Variants in TNR observed in about 807,000 individuals in gnomAD.
The protein encoded by TNR is tenascin-R.
TNR carries 45 observed loss-of-function variants against 150.4 expected under a neutral mutation model. The ratio of observed to expected loss-of-function variants is 0.30; its 90% CI spans 0.24 to 0.38. The LOEUF (loss-of-function observed/expected upper bound fraction) is 0.38, where lower values mean the gene tolerates loss of function less well. Among genes scored for constraint, TNR ranks in the 10% least tolerant of loss-of-function variants. The pLI is 1.00. For missense variants in TNR, 1,544 were observed against 1,759.1 expected, an observed-to-expected ratio of 0.88 and a Z score of 2.19; for synonymous variants, 687 against 678.4, an observed-to-expected ratio of 1.01 and a Z score of -0.20.
At chr1:175,455,217 A>T (rs1656515526) in intron 2 of TNR, among the ~76,000 whole-genome samples, 1 of 152,232 alleles carries the variant, frequency 6.6e-6, no homozygotes, top group African/African-American at 2.4e-5. Flanking sequence ...CTACCCAGAG[A>T]CCAGCTAGTT....
At chr1:175,688,362 T>A (rs964576514) in intron 1 of TNR, among the ~76,000 whole-genome samples, 10 of 152,220 alleles carry the variant, frequency 6.6e-5, no homozygotes, top group Non-Finnish European at 1.0e-4. Flanking sequence ...GGCAGTGAGC[T>A]TTCTAAATAA....
intron 2 of TNR, among the ~76,000 whole-genome samples, chr1:175,421,733 G>A (rs1654762473): frequency 6.6e-6 from 1 of 152,150 alleles, no homozygotes; most frequent in South Asian, 2.1e-4. Context: ...CAAAAACGTG[G>A]GACTGGTGGC....
In TNR at chr1:175,643,451, T is replaced by C. The variant is rs1458505874; in HGVS notation, c.-165+99775A>G. Among the ~76,000 whole-genome samples the C allele has an allele frequency of 2.0e-5, 3 of 152,328 alleles. No homozygotes were observed. In the East Asian group the frequency reaches 5.8e-4, roughly 29 times the overall value. ...TTCATATACACAGTGGAGATTTCCA[T>C]GGCCTGTTCATCCACCTCATAGTCA... On this transcript the variant is annotated intron_variant, in intron 1 of 22. Transcript: ENST00000367674.
chr1:175,593,551 AG>A (rs1007691069), intron 1 of TNR, among the ~76,000 whole-genome samples: 3 of 152,216 alleles, frequency 2.0e-5, no homozygotes, highest in Non-Finnish European at 2.9e-5. Context: ...CTGAGGTTTT[AG>A]GAGTCATAAG....
At chr1:175,635,210 G>A (rs1483468866) in intron 1 of TNR, among the ~76,000 whole-genome samples, 1 of 152,238 alleles carries the variant, frequency 6.6e-6, no homozygotes. Flanking sequence ...TGACTTAGAA[G>A]CTTTCATTGC....
At chr1:175,588,943 G>T (rs568160188) in intron 1 of TNR, among the ~76,000 whole-genome samples, 1 of 152,150 alleles carries the variant, frequency 6.6e-6, no homozygotes, top group East Asian at 1.9e-4. Flanking sequence ...TTCATCTATG[G>T]TAACAATGAT....
intron 2 of TNR, among the ~76,000 whole-genome samples, chr1:175,502,125 C>T (rs1359268693): frequency 6.6e-6 from 1 of 152,150 alleles, no homozygotes; most frequent in African/African-American, 2.4e-5. Flanking sequence ...AACTGACCCC[C>T]CATGCCTAGG....
intron 1 of TNR, among the ~76,000 whole-genome samples, chr1:175,543,113 C>A (rs1660566103): frequency 1.3e-5 from 2 of 152,062 alleles, no homozygotes; most frequent in Admixed American, 1.3e-4. Context: ...CCGGGCCCTG[C>A]AAAGTTAGTA....
Position 175,407,340 on chromosome 1 carries a change from AT to A in TNR, c.-63-564del, listed in dbSNP as rs1486153138. 2.6e-5 allele frequency among the ~76,000 whole-genome samples: 4 copies of A among 152,352 alleles called. No individual in the cohort carries two copies. The East Asian group carries it at 7.7e-4, about 29-fold the overall frequency. ...GTGATTGTTAATAAACCTTGGGTAC[AT>A]TTGTGATTATCTAGGGCTGTGTGAG... On this transcript the variant is annotated intron_variant, in intron 2 of 22. Transcript: ENST00000367674.
At chr1:175,417,202 T>A (rs918175453) in intron 2 of TNR, among the ~76,000 whole-genome samples, 4 of 152,144 alleles carry the variant, frequency 2.6e-5, no homozygotes, top group Non-Finnish European at 5.9e-5. Flanking sequence ...ACATTACTAA[T>A]TTAAAATTAG....
At chr1:175,426,740 G>T (rs147497632) in intron 2 of TNR, among the ~76,000 whole-genome samples, 10 of 145,120 alleles carry the variant, frequency 6.9e-5, no homozygotes, top group Admixed American at 1.4e-4. Flanking sequence ...TCTAATGTGT[G>T]TTTATATCTA....
chr1:175,458,235 C>A (rs577407589), intron 2 of TNR, among the ~76,000 whole-genome samples: 1 of 152,306 alleles, frequency 6.6e-6, no homozygotes, highest in East Asian at 1.9e-4. Context: ...GGTCTTTATG[C>A]TCAAATTAAT....
intron 2 of TNR, among the ~76,000 whole-genome samples, chr1:175,477,743 C>T (rs562001388): frequency 7.2e-5 from 11 of 152,324 alleles, no homozygotes; most frequent in African/African-American, 1.2e-4. Context: ...GCTGTTCTAA[C>T]GGAGGCACAC....
intron 2 of TNR, among the ~76,000 whole-genome samples, chr1:175,418,451 G>T (rs1291859138): frequency 2.0e-5 from 3 of 152,178 alleles, no homozygotes; most frequent in African/African-American, 7.2e-5. Flanking sequence ...AGGCCGGGCG[G>T]AGTGGCTCAT....
intron 2 of TNR, among the ~76,000 whole-genome samples, chr1:175,502,241 C>T (rs1379233308): frequency 6.6e-6 from 1 of 152,228 alleles, no homozygotes; most frequent in Admixed American, 6.5e-5. Flanking sequence ...CCCACGTAAC[C>T]CTAATATGCA....
chr1:175,541,146 A>G (rs1660487191), intron 1 of TNR, among the ~76,000 whole-genome samples: 1 of 151,902 alleles, frequency 6.6e-6, no homozygotes, highest in Non-Finnish European at 1.5e-5. Flanking sequence ...CATTCCAGGG[A>G]TGGGTTAGAT....
At position 175,524,866 on chromosome 1, in the gene TNR, C is replaced by T. The variant is rs116245530; in HGVS notation, c.-64+3403G>A. 9.8e-4 allele frequency among the ~76,000 whole-genome samples: 150 copies of T among 152,294 alleles called. 1 individual carries two copies. The highest frequency in any genetic ancestry group is 3.5e-3 in the African/African-American group (147 of 41,564). ...TTAGATAATATGGTCTTAATGAAAG[C>T]CTTGTCACAATGGCACAGAATGCTT... On this transcript the variant is annotated intron_variant, in intron 2 of 22. Coordinates refer to ENST00000367674, the MANE Select transcript of TNR (RefSeq NM_003285.3).
chr1:175,566,157 G>A (rs1453824563), intron 1 of TNR, among the ~76,000 whole-genome samples: 2 of 152,186 alleles, frequency 1.3e-5, no homozygotes, highest in African/African-American at 2.4e-5. Context: ...CTGAATAAAC[G>A]AGAGTTCATT....
rs561377491 is a variant in TNR at position 175,456,907 on chromosome 1, A to G, written c.-63-50130T>C. Among the ~76,000 whole-genome samples, 13 of 152,280 alleles carry G rather than the reference A, an allele frequency of 8.5e-5. No individual in the cohort carries two copies. The South Asian group carries it at 2.7e-3, about 32-fold the overall frequency. The stretch of plus-strand genomic sequence containing the variant: ...GGGAAACTGAGGATTTAGACAATTT[A>G]TGAGTCAATTTCTGAGGTTGGCAGA... On this transcript the variant is annotated intron_variant, in intron 2 of 22. Coordinates refer to ENST00000367674, the MANE Select transcript of TNR (RefSeq NM_003285.3).
Sources: gnomAD v4.1 joint callset for allele counts (sites outside exome capture counted in the v4.1 genomes callset) on GRCh38, gnomAD v4.1.1 for gene constraint, MANE v1.5 for transcripts, NCBI Gene and HGNC (gene_info 2026-07-23, HGNC 2026-07-21) for gene names.